Variants in PTPRM observed in about 807,000 individuals in gnomAD.
PTPRM encodes receptor-type tyrosine-protein phosphatase mu.
Under a neutral mutation model 186.7 loss-of-function variants are expected in PTPRM, and 47 were observed. The ratio of observed to expected loss-of-function variants is 0.25; its 90% CI spans 0.20 to 0.32. The LOEUF (loss-of-function observed/expected upper bound fraction) is 0.32, where lower values mean the gene tolerates loss of function less well. PTPRM is among the 10% of genes least tolerant of loss of function. PTPRM has a pLI of 1.00. For synonymous variants in PTPRM, 668 were observed against 674.9 expected, an observed-to-expected ratio of 0.99 and a Z score of 0.16; for missense variants, 1,494 against 1,865.0, an observed-to-expected ratio of 0.80 and a Z score of 3.66.
rs1248449836 is a variant in PTPRM, at chr18:7,985,220, CAT to C, written c.1132+29810_1132+29811del. Among the ~76,000 whole-genome samples the C allele has an allele frequency of 1.8e-3, 197 of 109,090 alleles. 4 individuals are homozygous for C. Among genetic ancestry groups the C allele is most frequent in the African/African-American group, 3.6e-3 (90 of 24,980 alleles). The allele number at this position is 109,090 out of a possible 152,430, so 71.6% of individuals were successfully genotyped here. A position where few individuals can be genotyped will look rare whatever the true frequency, so the allele number is the denominator to read the frequency against. The stretch of plus-strand genomic sequence containing the variant: ...ATATATACATATAATTGTATATACA[CAT>C]ATAAATATATACATATAATTGTATA... On this transcript the variant is annotated intron_variant, in intron 7 of 32. Transcript: ENST00000580170.
chr18:8,027,717 TTAGA>T (rs893967905), intron 7 of PTPRM, among the ~76,000 whole-genome samples: 7 of 152,154 alleles, frequency 4.6e-5, no homozygotes, highest in Non-Finnish European at 5.9e-5. Flanking sequence ...GTATCAAAGA[TTAGA>T]TAAAGAAGAT....
intron 14 of PTPRM, among the ~76,000 whole-genome samples, chr18:8,190,282 C>CCCT (rs2093694098): frequency 6.6e-6 from 1 of 152,168 alleles, no homozygotes; most frequent in Non-Finnish European, 1.5e-5. Context: ...CCTCCCTCCC[C>CCCT]ACACAGCCTC....
chr18:7,984,137 T>C (rs556717545), intron 7 of PTPRM, among the ~76,000 whole-genome samples: 1 of 152,238 alleles, frequency 6.6e-6, no homozygotes, highest in South Asian at 2.1e-4. Context: ...CTGGTGTTTC[T>C]AACAAAGCAA....
chr18:8,398,660 C>T (rs958338253), intron 32 of PTPRM, among the ~76,000 whole-genome samples: 2 of 151,482 alleles, frequency 1.3e-5, no homozygotes, highest in Admixed American at 1.3e-4. Context: ...ATCCCAGCTA[C>T]TTGGGAGGCT....
chr18:8,142,492 CT>C (rs559622782), intron 13 of PTPRM, among the ~76,000 whole-genome samples: 336 of 152,324 alleles, frequency 2.2e-3, no homozygotes, highest in African/African-American at 7.3e-3. Context: ...GGCACTCCCT[CT>C]TTCTCAGTGA....
intron 1 of PTPRM, among the ~76,000 whole-genome samples, chr18:7,619,396 C>T (rs1447179693): frequency 6.6e-6 from 1 of 152,138 alleles, no homozygotes; most frequent in Admixed American, 6.5e-5. Context: ...CAACATTTCA[C>T]TGGGGACTCC....
At chr18:8,119,457 A>G (rs1197248421) in intron 13 of PTPRM, among the ~76,000 whole-genome samples, 1 of 152,206 alleles carries the variant, frequency 6.6e-6, no homozygotes, top group East Asian at 1.9e-4. Flanking sequence ...CTACATGAGA[A>G]AACCAATTAT....
At chr18:7,870,952 G>T (rs1250807671) in intron 2 of PTPRM, among the ~76,000 whole-genome samples, 1 of 152,206 alleles carries the variant, frequency 6.6e-6, no homozygotes, top group Non-Finnish European at 1.5e-5. Context: ...TGACCTGTTT[G>T]TGTGCAAAGT....
At chr18:7,787,566 G>A (rs2043149449) in intron 2 of PTPRM, among the ~76,000 whole-genome samples, 1 of 152,218 alleles carries the variant, frequency 6.6e-6, no homozygotes, top group South Asian at 2.1e-4. Context: ...GACTGTGGCA[G>A]CATTGAGACG....
At chr18:8,204,383 A>C (rs1293099537) in intron 14 of PTPRM, among the ~76,000 whole-genome samples, 1 of 152,138 alleles carries the variant, frequency 6.6e-6, no homozygotes, top group Non-Finnish European at 1.5e-5. Context: ...TTTCTTTTTA[A>C]ATCCCTCTAG....
chr18:8,210,317 A>G (rs796707767), intron 14 of PTPRM, among the ~76,000 whole-genome samples: 13 of 152,130 alleles, frequency 8.5e-5, no homozygotes, highest in African/African-American at 3.1e-4. Flanking sequence ...CCTCAAAAAA[A>G]GGGGTTGGGG....
At chr18:7,976,746 A>G (rs933892681) in intron 7 of PTPRM, among the ~76,000 whole-genome samples, 1 of 152,202 alleles carries the variant, frequency 6.6e-6, no homozygotes, top group African/African-American at 2.4e-5. Flanking sequence ...AGGAAAATGA[A>G]TGCGGAGTAA....
At chr18:7,806,711 C>T (rs190371460) in intron 2 of PTPRM, among the ~76,000 whole-genome samples, 8 of 152,090 alleles carry the variant, frequency 5.3e-5, no homozygotes, top group African/African-American at 1.9e-4. Flanking sequence ...CATTTATTTT[C>T]CCCCTTTCTC....
chr18:7,815,714 A>G (rs1025617050), intron 2 of PTPRM: 1 of 152,296 alleles, frequency 6.6e-6, no homozygotes, highest in African/African-American at 2.4e-5. Context: ...TTAAAAAAAT[A>G]TAGAAAAGAA....
At chr18:8,145,148 A>C (rs1333944997) in intron 14 of PTPRM, among the ~76,000 whole-genome samples, 2 of 152,236 alleles carry the variant, frequency 1.3e-5, no homozygotes, top group African/African-American at 4.8e-5. Flanking sequence ...GAAACAGTTA[A>C]GAGTTAAATT....
intron 1 of PTPRM, among the ~76,000 whole-genome samples, chr18:7,618,280 T>C (rs1480534439): frequency 6.6e-6 from 1 of 152,198 alleles, no homozygotes; most frequent in African/African-American, 2.4e-5. Context: ...AGTTAATGGC[T>C]TAGAAAGGTG....
intron 1 of PTPRM, among the ~76,000 whole-genome samples, chr18:7,612,952 A>G (rs2037712565): frequency 6.6e-6 from 1 of 152,120 alleles, no homozygotes; most frequent in Non-Finnish European, 1.5e-5. Context: ...TTCTGCTTCC[A>G]TCTCTCTCCA....
chr18:8,049,675 G>C (rs1478490959), intron 7 of PTPRM, among the ~76,000 whole-genome samples: 1 of 149,576 alleles, frequency 6.7e-6, no homozygotes, highest in Non-Finnish European at 1.5e-5. Context: ...TATATACTGG[G>C]ATCTTGACCA....
At chr18:8,294,900 C>A (rs2095079414) in intron 19 of PTPRM, among the ~76,000 whole-genome samples, 1 of 152,062 alleles carries the variant, frequency 6.6e-6, no homozygotes, top group South Asian at 2.1e-4. Context: ...AGCCTGAGGG[C>A]AGAACAGACC....
Sources: gnomAD v4.1 joint callset for allele counts (sites outside exome capture counted in the v4.1 genomes callset) on GRCh38, gnomAD v4.1.1 for gene constraint, MANE v1.5 for transcripts, NCBI Gene and HGNC (gene_info 2026-07-23, HGNC 2026-07-21) for gene names.